NR3C1: variants seen among roughly 807,000 people sequenced by gnomAD.
The protein encoded by NR3C1 is glucocorticoid receptor.
A neutral mutation model predicts 74.0 loss-of-function variants in NR3C1; 14 were observed. That is an observed-to-expected ratio of 0.19 (90% confidence interval 0.12 to 0.30). NR3C1 has a LOEUF of 0.30. NR3C1 is among the 10% of genes least tolerant of loss of function. The pLI, the probability that NR3C1 is intolerant of heterozygous loss-of-function variation, is 1.00. For synonymous variants in NR3C1, 308 were observed against 332.5 expected (o/e 0.93, Z 0.80); for missense variants, 695 against 909.8 (o/e 0.76, Z 3.04).
intron 2 of NR3C1, among the ~76,000 whole-genome samples, chr5:143,383,879 A>G (rs894144168): frequency 7.2e-5 from 11 of 152,218 alleles, no homozygotes; most frequent in Non-Finnish European, 1.3e-4. Flanking sequence ...ATATCTGTTA[A>G]AATTTTAAAT....
At chr5:143,329,795 C>T (rs1207440089) in intron 2 of NR3C1, among the ~76,000 whole-genome samples, 1 of 152,056 alleles carries the variant, frequency 6.6e-6, no homozygotes, top group African/African-American at 2.4e-5. Flanking sequence ...TCTCCAGATA[C>T]AGATAAAAGG....
chr5:143,325,709 A>T (rs990641026), intron 2 of NR3C1, among the ~76,000 whole-genome samples: 1 of 152,224 alleles, frequency 6.6e-6, no homozygotes, highest in African/African-American at 2.4e-5. Context: ...AACAATATAC[A>T]TATAGGATTT....
intron 2 of NR3C1, among the ~76,000 whole-genome samples, chr5:143,363,278 C>T (rs1201140152): frequency 6.6e-6 from 1 of 152,174 alleles, no homozygotes; most frequent in Non-Finnish European, 1.5e-5. Flanking sequence ...AAACAAACAT[C>T]TACAATACTC....
intron 7 of NR3C1, chr5:143,294,200 A>T (rs1816612825): frequency 1.0e-6 from 1 of 985,118 alleles, no homozygotes; most frequent in African/African-American, 1.7e-5. Flanking sequence ...CTTGTGCAAC[A>T]TCCATAGCTT....
At chr5:143,397,305 G>A (rs573498477) in intron 2 of NR3C1, among the ~76,000 whole-genome samples, 11 of 151,920 alleles carry the variant, frequency 7.2e-5, no homozygotes, top group Non-Finnish European at 1.6e-4. Flanking sequence ...CGTAAAGTCA[G>A]AAGGTCAGTA....
rs185606516 is a variant in NR3C1 at position 143,369,072 on chromosome 5, C to A, written c.1184+30584G>T. Among the ~76,000 whole-genome samples the A allele has an allele frequency of 8.0e-4, 122 of 152,316 alleles. 1 individual carries two copies. Among genetic ancestry groups the A allele is most frequent in the African/African-American group, 2.9e-3 (119 of 41,572 alleles). On this transcript the variant is annotated intron_variant, in intron 2 of 8. Coordinates refer to ENST00000394464, the MANE Select transcript of NR3C1 (RefSeq NM_000176.3). ...ATTCATGAGGGCAGACCTCTGATGA[C>A]CCAAGCACTTCTTAAAGGCCTCACA...
intron 2 of NR3C1, among the ~76,000 whole-genome samples, chr5:143,370,513 T>C (rs1467921784): frequency 6.6e-6 from 1 of 152,216 alleles, no homozygotes; most frequent in Non-Finnish European, 1.5e-5. Flanking sequence ...CAGAATAACT[T>C]GTATTTTTTA....
chr5:143,348,628 T>C (rs1417003933), intron 2 of NR3C1, among the ~76,000 whole-genome samples: 1 of 152,204 alleles, frequency 6.6e-6, no homozygotes, highest in East Asian at 1.9e-4. Flanking sequence ...CTGTTTAAAA[T>C]GGCCTCTATG....
chr5:143,282,217 T>C (rs951475765), intron 8 of NR3C1, among the ~76,000 whole-genome samples, 176 bp from the exon 9 acceptor site: 1 of 152,232 alleles, frequency 6.6e-6, no homozygotes, highest in African/African-American at 2.4e-5. Flanking sequence ...TTTCTTTGAT[T>C]GTATGTAGAA....
chr5:143,379,698 T>C (rs1835842718), intron 2 of NR3C1, among the ~76,000 whole-genome samples: 1 of 152,196 alleles, frequency 6.6e-6, no homozygotes, highest in Non-Finnish European at 1.5e-5. Flanking sequence ...TAAAGAGTTT[T>C]GCATGGTTCT....
intron 2 of NR3C1, among the ~76,000 whole-genome samples, chr5:143,318,382 G>A (rs1822622704): frequency 6.6e-6 from 1 of 152,110 alleles, no homozygotes; most frequent in African/African-American, 2.4e-5. Context: ...ATTGAAATAT[G>A]TCAGTCTATC....
In NR3C1 at chr5:143,282,559, G is replaced by T; in HGVS notation, c.2181+9C>A. 6.2e-7 allele frequency: 1 copy of T among 1,613,522 alleles called. No individual in the cohort carries two copies. Among genetic ancestry groups the T allele is most frequent in the South Asian group, 1.1e-5 (1 of 91,038 alleles). On this transcript the variant is annotated intron_variant, in intron 8 of 8. Transcript: ENST00000394464. ...AACTCTTATATTTGGCTTTATGTTT[G>T]ACACTTACTTCATGCATAGAATCCA...
At chr5:143,372,197 T>C (rs183941176) in intron 2 of NR3C1, among the ~76,000 whole-genome samples, 196 of 152,326 alleles carry the variant, frequency 1.3e-3, no homozygotes, top group African/African-American at 4.6e-3. Context: ...CAGCATATGA[T>C]TTCTTTTCTT....
intron 2 of NR3C1, among the ~76,000 whole-genome samples, chr5:143,331,902 AC>A (rs1223080783): frequency 2.6e-5 from 4 of 152,188 alleles, no homozygotes; most frequent in African/African-American, 9.7e-5. Context: ...TATATAACAA[AC>A]CTGCACATGT....
At chr5:143,433,477 T>TTATTTATTTAAA (rs1751971014) in intron 1 of NR3C1, among the ~76,000 whole-genome samples, 1 of 136,240 alleles carries the variant, frequency 7.3e-6, no homozygotes. Context: ...TATATTTAAT[T>TTATTTATTTAAA]TCATCTTGTG....
chr5:143,296,801 G>T (rs1817350716), intron 6 of NR3C1, among the ~76,000 whole-genome samples: 1 of 152,062 alleles, frequency 6.6e-6, no homozygotes, highest in Non-Finnish European at 1.5e-5. Context: ...GGAGGGCTGG[G>T]TGCGGTGGCT....
rs191917997 is a variant in NR3C1, at chr5:143,291,298, T to C, written c.2023+4162A>G. On this transcript the variant is annotated intron_variant, in intron 7 of 8. Transcript: ENST00000394464. ...TGGAGTGCAGTGGTGCTATCTTGGC[T>C]CTCTGCAACCTCTACGTCCCAGGTT... Among the ~76,000 whole-genome samples the C allele has an allele frequency of 5.3e-5, 8 of 152,282 alleles. No individual in the cohort carries two copies. The East Asian group carries it at 1.5e-3, about 29-fold the overall frequency.
chr5:143,400,901 G>T, intron 1 of NR3C1, 49 bp from the exon 2 acceptor site: 1 of 1,388,782 alleles, frequency 7.2e-7, no homozygotes, highest in Non-Finnish European at 1.0e-6. Context: ...AAGCTCTAAA[G>T]TCACATTATC....
chr5:143,313,705 T>A (rs1042425113), intron 3 of NR3C1, among the ~76,000 whole-genome samples: 1 of 152,196 alleles, frequency 6.6e-6, no homozygotes, highest in Non-Finnish European at 1.5e-5. Context: ...AACATTATGT[T>A]ATGCCCAAAC....
Sources: allele counts gnomAD v4.1 joint callset (sites outside exome capture counted in the v4.1 genomes callset), GRCh38; gene constraint gnomAD v4.1.1; transcripts MANE v1.5; gene names NCBI Gene and HGNC (gene_info 2026-07-23, HGNC 2026-07-21).